The following ERCC6 variants were observed in gnomAD, a reference collection of about 807,000 sequenced individuals.
The protein encoded by ERCC6 is ERCC excision repair 6, chromatin remodeling factor.
In ERCC6, 116 loss-of-function variants were observed where a neutral mutation model predicts 158.7. The ratio of observed to expected loss-of-function variants is 0.73; its 90% confidence interval spans 0.63 to 0.85. ERCC6 has a LOEUF of 0.85. ERCC6 is among the 40% of genes least tolerant of loss of function. The probability of loss-of-function intolerance (pLI) is 0.00; values close to 1 mark genes in which losing one functional copy is unlikely to be tolerated. For synonymous variants in ERCC6, 678 were observed against 659.3 expected, an observed-to-expected ratio of 1.03 and a Z score of -0.43; for missense variants, 1,698 against 1,799.4, an observed-to-expected ratio of 0.94 and a Z score of 1.02.
At position 49,500,646 on chromosome 10, in the gene ERCC6, G is replaced by C. The variant is rs753417618; in HGVS notation, c.1577C>G (p.Ala526Gly). The change falls in exon 7 of 21, where the codon GCA (alanine) becomes GGA (glycine). Residue 526 changes from alanine (A) to glycine (G), a missense_variant. Coordinates refer to ENST00000355832, the MANE Select transcript of ERCC6 (RefSeq NM_000124.4). ...CATTTCATCTCCCAGAATTCCTCCTGCCTGCTGGCAGTGCAATTCCCACAG... is the reference window on the plus strand; with the variant it reads ...CATTTCATCTCCCAGAATTCCTCCTCCCTGCTGGCAGTGCAATTCCCACAG... ...RWLWELHCQQAGGILGDEMGL... is the reference protein window; with the variant it reads ...RWLWELHCQQGGGILGDEMGL... 6.2e-7 allele frequency: 1 copy of C among 1,613,916 alleles called. No individual in the cohort carries two copies. Among genetic ancestry groups the C allele is most frequent in the East Asian group, 2.2e-5 (1 of 44,870 alleles).
At chr10:49,464,356 C>A (rs1850635463) in intron 18 of ERCC6, among the ~76,000 whole-genome samples, 1 of 152,176 alleles carries the variant, frequency 6.6e-6, no homozygotes, top group Admixed American at 6.5e-5. Flanking sequence ...CAACAGGTGA[C>A]ATGGGTGTTG....
At chr10:49,502,280 C>T (rs1209282901) in intron 6 of ERCC6, 1 of 152,168 alleles carries the variant, frequency 6.6e-6, no homozygotes, top group Non-Finnish European at 1.5e-5. Flanking sequence ...GAGAACTTTG[C>T]TGCTTATTAA....
intron 7 of ERCC6, among the ~76,000 whole-genome samples, chr10:49,494,922 C>A (rs890769783): frequency 2.0e-5 from 3 of 152,136 alleles, no homozygotes; most frequent in Admixed American, 6.5e-5. Flanking sequence ...ACAGCCTCCC[C>A]CTCTGTAGGT....
chr10:49,450,316 T>C (rs1850406194), downstream of ERCC6, among the ~76,000 whole-genome samples: 1 of 143,918 alleles, frequency 6.9e-6, no homozygotes, highest in African/African-American at 2.6e-5. Flanking sequence ...TGACTACAGA[T>C]GTTTGCATTT....
intron 11 of ERCC6, among the ~76,000 whole-genome samples, chr10:49,476,779 T>C (rs1850885512): frequency 6.6e-6 from 1 of 152,058 alleles, no homozygotes; most frequent in African/African-American, 2.4e-5. Flanking sequence ...CCCAGCCCAC[T>C]GCACCAACCA....
Position 49,465,188 on chromosome 10 carries a change from G to A in ERCC6, c.3779-3632C>T, listed in dbSNP as rs111350679. ...TCTTGCATCAGCGTGACCTGGATGC[G>A]AGACAAGGAGTCAAAGGAGATCATT... is the stretch of plus-strand genomic sequence containing the variant. On this transcript the variant is annotated intron_variant, in intron 18 of 20. Transcript: ENST00000355832. Among the ~76,000 whole-genome samples the A allele has an allele frequency of 6.2e-4, 94 of 152,356 alleles. 1 individual carries two copies. Among genetic ancestry groups the A allele is most frequent in the African/African-American group, 2.2e-3 (90 of 41,582 alleles).
rs1043213652 is a variant in ERCC6, at chr10:49,459,151, C to T, written c.4146G>A (p.Gly1382=). 1.2e-6 allele frequency: 2 copies of T among 1,614,154 alleles called. No individual in the cohort carries two copies. Among genetic ancestry groups the T allele is most frequent in the Middle Eastern group, 1.6e-4 (1 of 6,062 alleles). Residue 1382 remains glycine (G), a synonymous_variant, in exon 21 of 21, where the codon GGG becomes GGA. Coordinates refer to ENST00000355832, the MANE Select transcript of ERCC6 (RefSeq NM_000124.4). Reference sequence around the variant, plus strand: ...CCAAGAGTGAGGAGGAAGCGAGGGGCCCGGATGAAGAGTCTGCATCTTCTG... The same window carrying T: ...CCAAGAGTGAGGAGGAAGCGAGGGGTCCGGATGAAGAGTCTGCATCTTCTG... ...GRAEDADSSS[G]PLASSSLLAK... is the part of the protein sequence containing the mutation.
intron 5 of ERCC6, 102 bp downstream of exon 5, chr10:49,523,931 G>C: frequency 6.6e-7 from 1 of 1,524,564 alleles, no homozygotes; most frequent in Non-Finnish European, 8.9e-7. Context: ...AATCGGGGGG[G>C]TCTAATATAT....
intron 11 of ERCC6, among the ~76,000 whole-genome samples, chr10:49,478,150 G>T (rs1471887114): frequency 6.6e-6 from 1 of 152,208 alleles, no homozygotes; most frequent in African/African-American, 2.4e-5. Context: ...GTAGCTATAG[G>T]AATCCATGTG....
Position 49,456,733 on chromosome 10 carries a change from T to C in ERCC6, c.*2082A>G, listed in dbSNP as rs546094499. ...AAATCTATTTACACTGTACAAAGCT[T>C]TTAAAGTTCTAAAAATCAGATTTTT... On this transcript the variant is annotated 3_prime_UTR_variant, in exon 21 of 21. Transcript: ENST00000355832. 2.6e-5 allele frequency: 4 copies of C among 152,338 alleles called. No homozygotes were observed. In the East Asian group the frequency reaches 7.7e-4, roughly 29 times the overall value. The allele number at this position is 152,338 out of a possible 1,614,324, so 9.4% of individuals were successfully genotyped here. A position where few individuals can be genotyped will look rare whatever the true frequency, so the allele number is the denominator to read the frequency against.
chr10:49,458,753 A>T lies in ERCC6; in HGVS notation c.*62T>A. The T allele has an allele frequency of 1.0e-5, 15 of 1,475,106 alleles. No homozygotes were observed. The highest frequency in any genetic ancestry group is 1.4e-5 in the Non-Finnish European group (15 of 1,055,300). The allele number at this position is 1,475,106 out of a possible 1,614,324, so 91.4% of individuals were successfully genotyped here. ...ATTGACAAACATGATTATTAATAAT[A>T]AATTAATAATCAGAAATGCCCGTTA... is the stretch of plus-strand genomic sequence containing the variant. On this transcript the variant is annotated 3_prime_UTR_variant, in exon 21 of 21. Coordinates refer to ENST00000355832, the MANE Select transcript of ERCC6 (RefSeq NM_000124.4).
chr10:49,525,083 C>A (rs1313740786), intron 4 of ERCC6: 5 of 448,282 alleles, frequency 1.1e-5, no homozygotes, highest in Non-Finnish European at 7.3e-6. Context: ...TATAAATAGT[C>A]AAGTTTAGCT....
At chr10:49,517,986 C>T (rs1048470282) in intron 5 of ERCC6, among the ~76,000 whole-genome samples, 24 of 152,092 alleles carry the variant, frequency 1.6e-4, no homozygotes, top group Non-Finnish European at 3.1e-4. Context: ...TTAATTTGGG[C>T]TTTAAAAAAA....
At chr10:49,523,957 A>C in intron 5 of ERCC6, 76 bp downstream of exon 5, 1 of 1,587,190 alleles carries the variant, frequency 6.3e-7, no homozygotes, top group Non-Finnish European at 8.6e-7. Flanking sequence ...TGGATCTAGA[A>C]TGCTTACATA....
Position 49,454,743 on chromosome 10 carries a change from C to T in ERCC6, c.*4072G>A, listed in dbSNP as rs148762958. On this transcript the variant is annotated 3_prime_UTR_variant, in exon 21 of 21. Transcript: ENST00000355832. ...AGCTATACAATTATATCAATATATA[C>T]CAGAAAAGACTTTGAGGACAATCAT... is the stretch of plus-strand genomic sequence containing the variant. Among the ~76,000 whole-genome samples, 51 of 151,930 alleles carry T rather than the reference C, an allele frequency of 3.4e-4. No homozygotes were observed. Among genetic ancestry groups the T allele is most frequent in the Non-Finnish European group, 6.3e-4 (43 of 67,932 alleles).
At chr10:49,522,620 C>A (rs1039243797) in intron 5 of ERCC6, among the ~76,000 whole-genome samples, 1 of 152,134 alleles carries the variant, frequency 6.6e-6, no homozygotes, top group East Asian at 1.9e-4. Context: ...TGCTCTTGAT[C>A]AAAATACTGA....
In ERCC6 at chr10:49,528,479, G is replaced by A. The variant is rs146219430; in HGVS notation, c.590C>T (p.Ala197Val). The change falls in exon 4 of 21, where the codon GCC becomes GTC. Residue 197 changes from alanine to valine, a missense_variant. Coordinates refer to ENST00000355832, the MANE Select transcript of ERCC6 (RefSeq NM_000124.4). ...KITAKQKHLQ[A>V]ILGGAEVKIE... ...TTTCACCTCTGCTCCTCCAAGGATG[G>A]CCTGGAGATGCTTTTGTTTTGCAGT... 3.7e-6 allele frequency: 6 copies of A among 1,614,018 alleles called. No individual in the cohort carries two copies. The African/African-American group carries it at 6.7e-5, about 18-fold the overall frequency.
Position 49,493,125 on chromosome 10 carries a change from G to T in ERCC6, c.1813C>A (p.His605Asn). Residue 605 changes from histidine (H) to asparagine (N), a missense_variant, in exon 8 of 21, where the codon CAC becomes AAC. By Grantham distance (68) the His-to-Asn change is moderately conservative. Coordinates refer to ENST00000355832, the MANE Select transcript of ERCC6 (RefSeq NM_000124.4). ...AILHETGSYTHKKEKLIRDVA... is the reference protein window; with the variant it reads ...AILHETGSYTNKKEKLIRDVA... ...CTGAAATATTGTGTTACCTTTTTGTGGGTATAGGAACCGGTTTCATGTAGA... is the reference window on the plus strand; with the variant it reads ...CTGAAATATTGTGTTACCTTTTTGTTGGTATAGGAACCGGTTTCATGTAGA... The T allele has an allele frequency of 6.2e-7, 1 of 1,613,956 alleles. No individual in the cohort carries two copies. Among genetic ancestry groups the T allele is most frequent in the Non-Finnish European group, 8.5e-7 (1 of 1,179,946 alleles).
At chr10:49,521,249 G>A (rs936749982) in intron 5 of ERCC6, among the ~76,000 whole-genome samples, 2 of 152,210 alleles carry the variant, frequency 1.3e-5, no homozygotes, top group Non-Finnish European at 2.9e-5. Flanking sequence ...GGGGACAAGC[G>A]ACCTGATCTT....
Sources: gnomAD v4.1 joint callset for allele counts (sites outside exome capture counted in the v4.1 genomes callset) on GRCh38, gnomAD v4.1.1 for gene constraint, MANE v1.5 for transcripts, NCBI Gene and HGNC (gene_info 2026-07-23, HGNC 2026-07-21) for gene names.